SNTB1: variants seen among roughly 807,000 people sequenced by gnomAD.
SNTB1 encodes syntrophin beta 1.
In SNTB1, 36 loss-of-function variants were observed where a neutral mutation model predicts 48.9. The observed-to-expected ratio is 0.74, with a 90% CI of 0.56 to 0.97. The LOEUF (loss-of-function observed/expected upper bound fraction) is 0.97. SNTB1 is among the 50% of genes least tolerant of loss of function. The probability of loss-of-function intolerance (pLI) is 0.00; values close to 1 mark genes in which losing one functional copy is unlikely to be tolerated. For missense variants in SNTB1, 786 were observed against 703.4 expected, an observed-to-expected ratio of 1.12 and a Z score of -1.33; for synonymous variants, 299 against 294.6, an observed-to-expected ratio of 1.01 and a Z score of -0.15.
intron 3 of SNTB1, among the ~76,000 whole-genome samples, chr8:120,582,236 T>C (rs1463700405): frequency 6.6e-6 from 1 of 152,110 alleles, no homozygotes; most frequent in Non-Finnish European, 1.5e-5. Flanking sequence ...TGGAGATCTA[T>C]GGAAAATAAA....
intron 1 of SNTB1, among the ~76,000 whole-genome samples, chr8:120,747,920 T>C (rs941994402): frequency 2.6e-5 from 4 of 152,170 alleles, no homozygotes; most frequent in African/African-American, 4.8e-5. Flanking sequence ...TTTTTAAACA[T>C]GGTTGTCTCT....
At chr8:120,649,889 C>G (rs201334289) in intron 2 of SNTB1, among the ~76,000 whole-genome samples, 1 of 151,926 alleles carries the variant, frequency 6.6e-6, no homozygotes, top group Non-Finnish European at 1.5e-5. Flanking sequence ...TTTTAAGCCC[C>G]TCGGAAAAGC....
chr8:120,799,931 C>T (rs1315557146), intron 1 of SNTB1, among the ~76,000 whole-genome samples: 2 of 152,066 alleles, frequency 1.3e-5, no homozygotes, highest in Non-Finnish European at 2.9e-5. Context: ...TATTACCACT[C>T]TCATTTCCTG....
At chr8:120,641,165 G>T (rs1174659381) in intron 2 of SNTB1, among the ~76,000 whole-genome samples, 1 of 152,140 alleles carries the variant, frequency 6.6e-6, no homozygotes, top group East Asian at 1.9e-4. Context: ...AATCTGGGGT[G>T]AGTTCATTGT....
intron 3 of SNTB1, among the ~76,000 whole-genome samples, chr8:120,594,716 T>G (rs1816295897): frequency 6.6e-6 from 1 of 152,186 alleles, no homozygotes; most frequent in Admixed American, 6.5e-5. Context: ...TTCAAGTGAA[T>G]TATTTCAAAC....
chr8:120,744,213 T>C (rs1377047827), intron 1 of SNTB1, among the ~76,000 whole-genome samples: 3 of 151,848 alleles, frequency 2.0e-5, no homozygotes, highest in African/African-American at 4.8e-5. Flanking sequence ...TCCAGTTCCA[T>C]TGGGAAGAGA....
At chr8:120,767,682 T>G (rs1819549939) in intron 1 of SNTB1, among the ~76,000 whole-genome samples, 1 of 152,190 alleles carries the variant, frequency 6.6e-6, no homozygotes, top group Admixed American at 6.5e-5. Context: ...AAATGGAGAT[T>G]ATCGTTCCTT....
At chr8:120,621,746 A>G (rs1362931319) in intron 3 of SNTB1, among the ~76,000 whole-genome samples, 2 of 152,036 alleles carry the variant, frequency 1.3e-5, no homozygotes, top group Non-Finnish European at 2.9e-5. Flanking sequence ...CCAGAAACCA[A>G]CTATCATTCC....
At chr8:120,674,671 T>G (rs1289455788) in intron 2 of SNTB1, among the ~76,000 whole-genome samples, 1 of 152,132 alleles carries the variant, frequency 6.6e-6, no homozygotes, top group Non-Finnish European at 1.5e-5. Context: ...ACATATTGCC[T>G]CATTGGACTT....
intron 2 of SNTB1, chr8:120,635,816 C>A: frequency 3.6e-6 from 1 of 279,448 alleles, no homozygotes; most frequent in South Asian, 5.1e-5. Context: ...TAAGAAGAGT[C>A]ATATGTACTT....
At chr8:120,572,374 A>T (rs996181600) in intron 4 of SNTB1, among the ~76,000 whole-genome samples, 1 of 152,226 alleles carries the variant, frequency 6.6e-6, no homozygotes, top group Non-Finnish European at 1.5e-5. Context: ...GCCAGGAAGG[A>T]CACAAATATG....
At chr8:120,706,542 T>G (rs901026377) in intron 1 of SNTB1, among the ~76,000 whole-genome samples, 1 of 152,168 alleles carries the variant, frequency 6.6e-6, no homozygotes, top group African/African-American at 2.4e-5. Flanking sequence ...CCAAAAATAA[T>G]AATAATTTCT....
Position 120,538,398 on chromosome 8 carries a change from C to T in SNTB1, c.*479G>A, listed in dbSNP as rs1815232193. ...TTCTTTTCCTACAAGGGAAAGTCAA[C>T]TCAGCAAGAATTAGGAAATAAATCA... On this transcript the variant is annotated 3_prime_UTR_variant, in exon 7 of 7. Transcript: ENST00000517992. 4.8e-6 allele frequency: 1 copy of T among 209,194 alleles called. No individual in the cohort carries two copies. The highest frequency in any genetic ancestry group is 8.5e-5 in the South Asian group (1 of 11,766). 13.0% of individuals were successfully genotyped at this position (209,194 alleles called of 1,614,324 possible).
At chr8:120,673,054 T>C (rs986965002) in intron 2 of SNTB1, among the ~76,000 whole-genome samples, 1 of 152,186 alleles carries the variant, frequency 6.6e-6, no homozygotes, top group African/African-American at 2.4e-5. Context: ...TTTTGCAAAG[T>C]GGCTCTGCAC....
At chr8:120,590,620 A>G (rs572742549) in intron 3 of SNTB1, among the ~76,000 whole-genome samples, 2 of 151,390 alleles carry the variant, frequency 1.3e-5, no homozygotes, top group African/African-American at 4.9e-5. Flanking sequence ...ATATCCTTAC[A>G]CAAGTCTCAT....
At chr8:120,737,301 A>G (rs1361501511) in intron 1 of SNTB1, among the ~76,000 whole-genome samples, 1 of 152,154 alleles carries the variant, frequency 6.6e-6, no homozygotes, top group East Asian at 1.9e-4. Flanking sequence ...TACTGCACTA[A>G]ATAAATTATA....
At chr8:120,563,866 T>C (rs999204249) in intron 4 of SNTB1, among the ~76,000 whole-genome samples, 4 of 152,178 alleles carry the variant, frequency 2.6e-5, no homozygotes, top group Non-Finnish European at 5.9e-5. Context: ...TCTCAGCACT[T>C]TGGGAGGCCA....
At chr8:120,723,836 A>G (rs984719665) in intron 1 of SNTB1, among the ~76,000 whole-genome samples, 1 of 152,266 alleles carries the variant, frequency 6.6e-6, no homozygotes, top group Non-Finnish European at 1.5e-5. Flanking sequence ...TTAAATGTCC[A>G]GTAAACGGCA....
intron 1 of SNTB1, among the ~76,000 whole-genome samples, chr8:120,746,046 C>T (rs755089981): frequency 4.6e-5 from 7 of 152,180 alleles, no homozygotes; most frequent in African/African-American, 9.7e-5. Flanking sequence ...TCATTATCCA[C>T]GACAGTTTGG....
Sources: gnomAD v4.1 joint callset for allele counts (sites outside exome capture counted in the v4.1 genomes callset) on GRCh38, gnomAD v4.1.1 for gene constraint, MANE v1.5 for transcripts, NCBI Gene and HGNC (gene_info 2026-07-23, HGNC 2026-07-21) for gene names.